Variants in GPC6 observed in about 807,000 individuals in gnomAD.
GPC6 encodes the protein glypican-6.
A neutral mutation model predicts 55.2 loss-of-function variants in GPC6; 14 were observed. The ratio of observed to expected loss-of-function variants is 0.25; its 90% CI spans 0.17 to 0.40. The LOEUF is 0.40. Ranked by LOEUF, GPC6 falls within the 10% of genes least tolerant of loss-of-function variation. GPC6 has a pLI of 1.00. For missense variants in GPC6, 641 were observed against 708.5 expected (o/e 0.90, Z 1.08); for synonymous variants, 278 against 259.6 (o/e 1.07, Z -0.68).
chr13:93,331,126 T>A (rs2139136575), intron 1 of GPC6, among the ~76,000 whole-genome samples: 1 of 152,290 alleles, frequency 6.6e-6, no homozygotes, highest in Non-Finnish European at 1.5e-5. Flanking sequence ...TTTTATTCTC[T>A]AGGATGTTGT....
chr13:93,942,966 A>G (rs1878808773), intron 3 of GPC6, among the ~76,000 whole-genome samples: 1 of 151,916 alleles, frequency 6.6e-6, no homozygotes, highest in African/African-American at 2.4e-5. Flanking sequence ...ACAAATATCT[A>G]CCTCTCTTTG....
chr13:93,675,584 A>G (rs997474509), intron 2 of GPC6, among the ~76,000 whole-genome samples: 30 of 152,142 alleles, frequency 2.0e-4, no homozygotes, highest in African/African-American at 7.0e-4. Context: ...GAGTGCTGTA[A>G]TCAGCCTTTT....
At chr13:93,941,472 A>G (rs1360206563) in intron 3 of GPC6, among the ~76,000 whole-genome samples, 2 of 152,238 alleles carry the variant, frequency 1.3e-5, no homozygotes, top group Non-Finnish European at 2.9e-5. Flanking sequence ...TTAAGCAGCA[A>G]GCCAATTGTG....
At chr13:93,272,612 G>A (rs1877573797) in intron 1 of GPC6, among the ~76,000 whole-genome samples, 1 of 151,648 alleles carries the variant, frequency 6.6e-6, no homozygotes, top group Non-Finnish European at 1.5e-5. Flanking sequence ...AGGTTTTGAA[G>A]ATTATTAAAT....
chr13:94,176,559 A>G (rs1888780041), intron 4 of GPC6, among the ~76,000 whole-genome samples: 1 of 152,156 alleles, frequency 6.6e-6, no homozygotes, highest in South Asian at 2.1e-4. Context: ...CTTCTTTTCA[A>G]AAAGAAGCCA....
intron 4 of GPC6, among the ~76,000 whole-genome samples, chr13:94,214,588 T>C (rs1221954393): frequency 6.6e-6 from 1 of 152,162 alleles, no homozygotes; most frequent in African/African-American, 2.4e-5. Flanking sequence ...ATGCCATCAA[T>C]GTTCCTTTTG....
At chr13:93,359,192 C>T (rs1257445439) in intron 1 of GPC6, among the ~76,000 whole-genome samples, 2 of 152,046 alleles carry the variant, frequency 1.3e-5, no homozygotes, top group Admixed American at 1.3e-4. Context: ...TCTCAAATTC[C>T]TTGGCTGAAG....
At chr13:93,291,734 C>G (rs117253132) in intron 1 of GPC6, among the ~76,000 whole-genome samples, 1 of 152,140 alleles carries the variant, frequency 6.6e-6, no homozygotes, top group East Asian at 1.9e-4. Context: ...CCATCATTTT[C>G]TGGTCAAGTT....
At chr13:93,434,824 C>T (rs1001240816) in intron 1 of GPC6, among the ~76,000 whole-genome samples, 45 of 151,864 alleles carry the variant, frequency 3.0e-4, no homozygotes, top group African/African-American at 5.1e-4. Context: ...CTCCTGCCTC[C>T]GCCTCCCAAG....
chr13:93,858,502 G>A (rs1219637801), intron 3 of GPC6, among the ~76,000 whole-genome samples: 2 of 151,458 alleles, frequency 1.3e-5, no homozygotes, highest in Non-Finnish European at 3.0e-5. Flanking sequence ...GTGCATGTAG[G>A]GAAGAGTAGA....
At chr13:93,545,929 C>G (rs1057395484) in intron 2 of GPC6, among the ~76,000 whole-genome samples, 7 of 152,164 alleles carry the variant, frequency 4.6e-5, no homozygotes, top group African/African-American at 1.7e-4. Flanking sequence ...AAGGTTTAGA[C>G]CCTCTTTTGA....
At chr13:93,611,131 C>T (rs1566448652) in intron 2 of GPC6, among the ~76,000 whole-genome samples, 1 of 152,040 alleles carries the variant, frequency 6.6e-6, no homozygotes, top group Non-Finnish European at 1.5e-5. Flanking sequence ...TTTATTAGTA[C>T]AATTATGTAA....
At chr13:93,743,709 T>C (rs1050820242) in intron 2 of GPC6, among the ~76,000 whole-genome samples, 1 of 152,154 alleles carries the variant, frequency 6.6e-6, no homozygotes, top group Non-Finnish European at 1.5e-5. Flanking sequence ...TTTATTTTCC[T>C]TTCTAACAGA....
intron 4 of GPC6, among the ~76,000 whole-genome samples, chr13:94,174,387 G>T (rs1373564484): frequency 6.6e-6 from 1 of 152,076 alleles, no homozygotes; most frequent in Non-Finnish European, 1.5e-5. Flanking sequence ...GGAGTTAGAG[G>T]ACACAATGGG....
chr13:94,300,125 A>G (rs1167387308), intron 5 of GPC6, among the ~76,000 whole-genome samples: 1 of 152,164 alleles, frequency 6.6e-6, no homozygotes, highest in African/African-American at 2.4e-5. Context: ...CCCATTATGG[A>G]AACCTGCTGA....
rs182198374 is a variant in GPC6, at chr13:93,806,746, G to T, written c.320-23408G>T. On this transcript the variant is annotated intron_variant, in intron 2 of 8. Coordinates refer to ENST00000377047, the MANE Select transcript of GPC6 (RefSeq NM_005708.5). Reference sequence around the variant, plus strand: ...ATGTTAGGATTCTTAGCTAACAAGGGATACTGCCAAATGATAAAATATTAA... The same window carrying T: ...ATGTTAGGATTCTTAGCTAACAAGGTATACTGCCAAATGATAAAATATTAA... 1.5e-4 allele frequency among the ~76,000 whole-genome samples: 23 copies of T among 152,292 alleles called. 1 individual carries two copies. In the East Asian group the frequency reaches 3.5e-3, roughly 23 times the overall value.
intron 4 of GPC6, among the ~76,000 whole-genome samples, chr13:94,092,270 C>G (rs1157550555): frequency 6.6e-6 from 1 of 151,954 alleles, no homozygotes; most frequent in Non-Finnish European, 1.5e-5. Flanking sequence ...AAACTTTGTA[C>G]CATTTGACTA....
At chr13:94,207,840 G>A (rs1889952107) in intron 4 of GPC6, among the ~76,000 whole-genome samples, 1 of 152,148 alleles carries the variant, frequency 6.6e-6, no homozygotes, top group African/African-American at 2.4e-5. Flanking sequence ...TCTTCTGTAA[G>A]CAGAAAGCCT....
intron 4 of GPC6, among the ~76,000 whole-genome samples, chr13:94,058,901 A>T (rs1884225080): frequency 6.6e-6 from 1 of 152,194 alleles, no homozygotes; most frequent in South Asian, 2.1e-4. Flanking sequence ...AATGCTTGCT[A>T]CTCAACAATT....
Sources: allele counts gnomAD v4.1 joint callset (sites outside exome capture counted in the v4.1 genomes callset), GRCh38; gene constraint gnomAD v4.1.1; transcripts MANE v1.5; gene names NCBI Gene and HGNC (gene_info 2026-07-23, HGNC 2026-07-21).